Variants in FBXL13 observed in about 807,000 individuals in gnomAD.
FBXL13 encodes F-box and leucine rich repeat protein 13.
A neutral mutation model predicts 83.6 loss-of-function variants in FBXL13; 67 were observed. The ratio of observed to expected loss-of-function variants is 0.80; its 90% CI spans 0.66 to 0.98. The LOEUF (loss-of-function observed/expected upper bound fraction) is 0.98. Among genes scored for constraint, FBXL13 ranks in the 50% least tolerant of loss-of-function variants. The probability of loss-of-function intolerance (pLI) is 0.00; values close to 1 mark genes in which losing one functional copy is unlikely to be tolerated. For missense variants in FBXL13, 822 were observed against 866.5 expected (o/e 0.95, Z 0.64); for synonymous variants, 272 against 299.5 (o/e 0.91, Z 0.95).
At chr7:103,001,519 G>A (rs1585306029) in intron 6 of FBXL13, among the ~76,000 whole-genome samples, 1 of 152,226 alleles carries the variant, frequency 6.6e-6, no homozygotes, top group African/African-American at 2.4e-5. Context: ...GTGTTTGTGA[G>A]AGTGTTGCCA....
At chr7:103,059,463 A>C (rs1347777837) in intron 1 of FBXL13, among the ~76,000 whole-genome samples, 1 of 152,218 alleles carries the variant, frequency 6.6e-6, no homozygotes, top group African/African-American at 2.4e-5. Flanking sequence ...CCATTAACTT[A>C]GTCTTTATTG....
Position 102,854,472 on chromosome 7 carries a change from GTAAC to G in FBXL13, c.1719+301_1719+304del. ...ACCAGCATGTCACATGTATACATATGTAACTAACCTGCACATTGTCCACATGTAC... is the reference window on the plus strand; with the variant it reads ...ACCAGCATGTCACATGTATACATATGTAACCTGCACATTGTCCACATGTAC... On this transcript the variant is annotated intron_variant, in intron 17 of 19. Coordinates refer to ENST00000313221, the Ensembl canonical transcript of FBXL13. Among the ~76,000 whole-genome samples the G allele has an allele frequency of 2.6e-5, 4 of 152,260 alleles. No homozygotes were observed. The Middle Eastern group carries it at 0.01, about 388-fold the overall frequency.
chr7:103,028,503 T>C (rs977057011), intron 4 of FBXL13, 97 bp downstream of exon 5: 2 of 770,716 alleles, frequency 2.6e-6, no homozygotes, highest in Non-Finnish European at 3.7e-6. Context: ...ATAAAAATGA[T>C]AGGTTCTCTA....
At chr7:102,974,400 A>C (rs1017672288) in intron 6 of FBXL13, among the ~76,000 whole-genome samples, 2 of 152,108 alleles carry the variant, frequency 1.3e-5, no homozygotes, top group African/African-American at 4.8e-5. Flanking sequence ...ACAAACAAAC[A>C]AACAAAAACC....
At chr7:102,863,513 TG>T (rs11316569) in intron 16 of FBXL13, among the ~76,000 whole-genome samples, 41,776 of 142,682 alleles carry the variant, frequency 0.29, 7,221 homozygotes, top group African/African-American at 0.51. Context: ...GGGATAAAAT[TG>T]GGGGGGGGGA....
intron 8 of FBXL13, among the ~76,000 whole-genome samples, chr7:102,951,584 G>A (rs1463227279): frequency 1.3e-5 from 2 of 151,760 alleles, no homozygotes; most frequent in Non-Finnish European, 2.9e-5. Context: ...GAGGCAGGAG[G>A]ATCACTTGAG....
At chr7:102,836,908 C>A (rs1015495500) in intron 17 of FBXL13, among the ~76,000 whole-genome samples, 1 of 152,236 alleles carries the variant, frequency 6.6e-6, no homozygotes, top group Admixed American at 6.5e-5. Flanking sequence ...CATCTCTTGA[C>A]TATTTGCCTC....
At chr7:102,894,888 C>T (rs1348893235) in intron 11 of FBXL13, among the ~76,000 whole-genome samples, 2 of 152,288 alleles carry the variant, frequency 1.3e-5, no homozygotes, top group Non-Finnish European at 2.9e-5. Flanking sequence ...TTACCAACTT[C>T]CCACTACGTA....
At chr7:102,977,572 T>C (rs192567761) in intron 6 of FBXL13, among the ~76,000 whole-genome samples, 78 of 152,342 alleles carry the variant, frequency 5.1e-4, no homozygotes, top group African/African-American at 1.8e-3. Context: ...ATCTTCATCA[T>C]TGGGCTCCTC....
At chr7:102,914,871 G>A (rs1400841383) in intron 10 of FBXL13, among the ~76,000 whole-genome samples, 1 of 152,130 alleles carries the variant, frequency 6.6e-6, no homozygotes, top group Non-Finnish European at 1.5e-5. Context: ...TCTCCCTGGG[G>A]TACACCCTGT....
chr7:102,931,573 ATCATG>A (rs891339963), intron 9 of FBXL13, among the ~76,000 whole-genome samples: 2 of 152,172 alleles, frequency 1.3e-5, no homozygotes, highest in Admixed American at 1.3e-4. Context: ...AAATGAGCCT[ATCATG>A]TCTACTGGGG....
At position 102,950,955 on chromosome 7, in the gene FBXL13, A is replaced by G. The variant is rs573693657; in HGVS notation, c.724+12578T>C. Among the ~76,000 whole-genome samples, 4 of 152,262 alleles carry G rather than the reference A, an allele frequency of 2.6e-5. No individual in the cohort carries two copies. In the East Asian group the frequency reaches 7.7e-4, roughly 29 times the overall value. On this transcript the variant is annotated intron_variant, in intron 8 of 19. Coordinates refer to ENST00000313221, the Ensembl canonical transcript of FBXL13. Reference sequence around the variant, plus strand: ...ACACCTATCATTGTAAATTTGTCCAAACTCATACAATATTCAACACTAAGA... The same window carrying G: ...ACACCTATCATTGTAAATTTGTCCAGACTCATACAATATTCAACACTAAGA...
At chr7:102,941,583 G>A (rs1461456380) in intron 8 of FBXL13, among the ~76,000 whole-genome samples, 1 of 152,110 alleles carries the variant, frequency 6.6e-6, no homozygotes, top group African/African-American at 2.4e-5. Flanking sequence ...TGTCTAGGCA[G>A]CGGGCAAGGT....
intron 2 of FBXL13, among the ~76,000 whole-genome samples, chr7:103,053,827 T>C (rs1050743718): frequency 9.2e-5 from 14 of 152,182 alleles, no homozygotes; most frequent in Admixed American, 5.2e-4. Flanking sequence ...CTACACACCA[T>C]GATGCAGATC....
intron 17 of FBXL13, among the ~76,000 whole-genome samples, chr7:102,834,166 G>C (rs1801422020): frequency 7.0e-6 from 1 of 142,986 alleles, no homozygotes; most frequent in Admixed American, 6.8e-5. Flanking sequence ...AAAAGAAAAA[G>C]GAGGAAATTT....
intron 17 of FBXL13, among the ~76,000 whole-genome samples, chr7:102,838,097 C>A (rs1356920109): frequency 6.6e-6 from 1 of 152,216 alleles, no homozygotes; most frequent in East Asian, 1.9e-4. Flanking sequence ...GGTTCAGTAA[C>A]TGCCAGAGGC....
chr7:102,917,247 G>C lies in FBXL13; in HGVS notation c.879-4032C>G, dbSNP rs117600503. ...GTCTGCCCCACTTTGATAGGCACTGGTGAGACTATAGATCATGATAGTTCC... is the reference window on the plus strand; with the variant it reads ...GTCTGCCCCACTTTGATAGGCACTGCTGAGACTATAGATCATGATAGTTCC... On this transcript the variant is annotated intron_variant, in intron 10 of 19. Transcript: ENST00000313221. Among the ~76,000 whole-genome samples the C allele has an allele frequency of 2.9e-3, 444 of 152,292 alleles. 3 individuals carry two copies. The highest frequency in any genetic ancestry group is 5.4e-3 in the South Asian group (26 of 4,826).
At chr7:102,837,972 T>A (rs1461321119) in intron 17 of FBXL13, among the ~76,000 whole-genome samples, 1 of 152,210 alleles carries the variant, frequency 6.6e-6, no homozygotes, top group East Asian at 1.9e-4. Context: ...ACAGAATTAG[T>A]TCAAGATGAG....
intron 18 of FBXL13, among the ~76,000 whole-genome samples, chr7:102,824,047 G>A (rs2129445980): frequency 6.6e-6 from 1 of 152,318 alleles, no homozygotes; most frequent in African/African-American, 2.4e-5. Context: ...TAGCAGGTTT[G>A]GTTTGATACT....
Sources: gnomAD v4.1 joint callset for allele counts (sites outside exome capture counted in the v4.1 genomes callset) on GRCh38, gnomAD v4.1.1 for gene constraint, MANE v1.5 for transcripts, NCBI Gene and HGNC (gene_info 2026-07-23, HGNC 2026-07-21) for gene names.